The following COPS4 variants were observed in gnomAD, a reference collection of about 807,000 sequenced individuals.
COPS4 encodes the protein COP9 signalosome subunit 4, also known as COP9 signalosome complex subunit 4.
In COPS4, 8 loss-of-function variants were observed where a neutral mutation model predicts 55.1. That is an observed-to-expected ratio of 0.15 (90% CI 0.09 to 0.26). The LOEUF is 0.26. Among genes scored for constraint, COPS4 ranks in the 10% least tolerant of loss-of-function variants. COPS4 has a pLI of 1.00. For synonymous variants in COPS4, 185 were observed against 165.7 expected (o/e 1.12, Z -0.90); for missense variants, 248 against 484.0 (o/e 0.51, Z 4.58).
At chr4:83,045,165 CGTCTGTAA>C (rs1173700855) in intron 1 of COPS4, among the ~76,000 whole-genome samples, 1 of 152,168 alleles carries the variant, frequency 6.6e-6, no homozygotes, top group Non-Finnish European at 1.5e-5. Context: ...ACATACATTA[CGTCTGTAA>C]GAGGAAAAGA....
chr4:83,047,324 C>T (rs992056499), intron 2 of COPS4, among the ~76,000 whole-genome samples: 3 of 152,114 alleles, frequency 2.0e-5, no homozygotes, highest in African/African-American at 7.2e-5. Flanking sequence ...TGGCACCCAG[C>T]CAAGGGATCA....
At chr4:83,037,645 GT>G (rs374548630) in intron 1 of COPS4, among the ~76,000 whole-genome samples, 5 of 150,486 alleles carry the variant, frequency 3.3e-5, no homozygotes, top group African/African-American at 7.3e-5. Context: ...ATATCAGTGT[GT>G]TTTTTTTTAA....
chr4:83,075,540 T>C lies in COPS4; in HGVS notation c.*110T>C. The C allele has an allele frequency of 2.4e-6, 3 of 1,229,948 alleles. No individual in the cohort carries two copies. The highest frequency in any genetic ancestry group is 3.4e-6 in the Non-Finnish European group (3 of 886,324). 76.2% of individuals were successfully genotyped at this position (1,229,948 alleles called of 1,614,324 possible). A position where few individuals can be genotyped will look rare whatever the true frequency, so the allele number is the denominator to read the frequency against. On this transcript the variant is annotated 3_prime_UTR_variant, in exon 10 of 10. Coordinates refer to ENST00000264389, the MANE Select transcript of COPS4 (RefSeq NM_016129.3). ...ACCTTATACATTTCAATCCCTTTTA[T>C]GCTGGATTCCGTTTAAAGAAGACAT...
At chr4:83,070,268 G>A (rs945570696) in intron 9 of COPS4, among the ~76,000 whole-genome samples, 2 of 152,034 alleles carry the variant, frequency 1.3e-5, no homozygotes, top group Non-Finnish European at 2.9e-5. Context: ...GTTTCCATGG[G>A]TAATCTCATC....
chr4:83,061,388 T>TA (rs1381522488), intron 6 of COPS4, among the ~76,000 whole-genome samples: 12 of 152,156 alleles, frequency 7.9e-5, no homozygotes, highest in Admixed American at 7.9e-4. Context: ...GAATAATGAC[T>TA]AGTATATATT....
At chr4:83,058,528 C>T (rs562239579) in intron 6 of COPS4, among the ~76,000 whole-genome samples, 4 of 152,124 alleles carry the variant, frequency 2.6e-5, no homozygotes, top group Non-Finnish European at 5.9e-5. Context: ...CCATTTTATT[C>T]TTTATAGACT....
chr4:83,068,289 A>C, intron 8 of COPS4, 149 bp from the exon 9 acceptor site: 2 of 594,772 alleles, frequency 3.4e-6, no homozygotes, highest in Non-Finnish European at 5.9e-6. Flanking sequence ...AAATAGCCAG[A>C]TTTACAAGAT....
chr4:83,063,078 C>T lies in COPS4; in HGVS notation c.718C>T (p.Gln240Ter). ...LHCTILASAGQQRSRMLATLF... is the reference protein window; with the variant it reads ...LHCTILASAG ...TGATGCTCATTTATTTCTCTTAGGG[C>T]AGCAGCGTTCTCGGATGCTAGCTAC... Residue 240 changes from glutamine (Q) to a stop codon, truncating the protein, a stop_gained and splice_region_variant, in exon 7 of 10, where the codon CAG becomes TAG. Coordinates refer to ENST00000264389, the MANE Select transcript of COPS4 (RefSeq NM_016129.3). LOFTEE classifies it high-confidence loss of function. 1 of 1,548,562 alleles carries T rather than the reference C, an allele frequency of 6.5e-7. No individual in the cohort carries two copies. The highest frequency in any genetic ancestry group is 1.2e-5 in the South Asian group (1 of 80,366).
At chr4:83,071,818 T>C (rs902718545) in intron 9 of COPS4, among the ~76,000 whole-genome samples, 9 of 151,948 alleles carry the variant, frequency 5.9e-5, no homozygotes, top group South Asian at 4.2e-4. Context: ...TTCAAGGGAT[T>C]CCCCTGCCTC....
chr4:83,068,528 A>C lies in COPS4; in HGVS notation c.1087+6A>C. On this transcript the variant is annotated splice_donor_region_variant and intron_variant, in intron 9 of 9. Coordinates refer to ENST00000264389, the MANE Select transcript of COPS4 (RefSeq NM_016129.3). ...TGGAATAGTTCATTTTGAAAGTAAG[A>C]GGTTTTGTGTATTTCTGTCATAATG... 1 of 1,554,992 alleles carries C rather than the reference A, an allele frequency of 6.4e-7. No homozygotes were observed. Among genetic ancestry groups the C allele is most frequent in the Non-Finnish European group, 8.9e-7 (1 of 1,126,680 alleles).
chr4:83,073,272 G>T, intron 9 of COPS4: 1 of 698,992 alleles, frequency 1.4e-6, no homozygotes, highest in Non-Finnish European at 2.6e-6. Flanking sequence ...CATATAAATG[G>T]AATCATACAA....
At chr4:83,070,703 C>T (rs1731403906) in intron 9 of COPS4, among the ~76,000 whole-genome samples, 3 of 152,170 alleles carry the variant, frequency 2.0e-5, no homozygotes, top group Non-Finnish European at 2.9e-5. Context: ...CTTTCCTTCT[C>T]ATATCTACAA....
At chr4:83,062,506 A>C (rs1392052742) in intron 6 of COPS4, among the ~76,000 whole-genome samples, 1 of 152,212 alleles carries the variant, frequency 6.6e-6, no homozygotes, top group Non-Finnish European at 1.5e-5. Flanking sequence ...TTTCCACCCG[A>C]GGTTGAACAT....
Sources: gnomAD v4.1 joint callset for allele counts (sites outside exome capture counted in the v4.1 genomes callset) on GRCh38, gnomAD v4.1.1 for gene constraint, MANE v1.5 for transcripts, NCBI Gene and HGNC (gene_info 2026-07-23, HGNC 2026-07-21) for gene names.